The following BRPF1 variants were observed in gnomAD, a reference collection of about 807,000 sequenced individuals.
BRPF1 encodes bromodomain and PHD finger containing 1, also known as peregrin.
In BRPF1, 15 loss-of-function variants were observed where a neutral mutation model predicts 115.0. That is an observed-to-expected ratio of 0.13 (90% confidence interval 0.09 to 0.20). The LOEUF (loss-of-function observed/expected upper bound fraction) is 0.20, where lower values mean the gene tolerates loss of function less well. Ranked by LOEUF, BRPF1 falls within the 10% of genes least tolerant of loss-of-function variation. The pLI is 1.00. For synonymous variants in BRPF1, 647 were observed against 619.8 expected, an observed-to-expected ratio of 1.04 and a Z score of -0.65; for missense variants, 1,118 against 1,638.3, an observed-to-expected ratio of 0.68 and a Z score of 5.48.
At chr3:9,746,530 A>G in intron 13 of BRPF1, 76 bp downstream of exon 13, 1 of 1,418,236 alleles carries the variant, frequency 7.1e-7, no homozygotes, top group Non-Finnish European at 9.3e-7. Context: ...ACTGCCAGGA[A>G]ACTCCAGCAA....
chr3:9,734,566 A>C lies in BRPF1; in HGVS notation c.426A>C (p.Pro142=). ...NGSNKENTET[P]AATPKSGKHK... ...GCAACAAGGAGAACACTGAGACACC[A>C]GCTGCTACTCCCAAGTCAGGCAAAC... Residue 142 remains proline (P), a synonymous_variant, in exon 2 of 14, where the codon CCA becomes CCC. Transcript: ENST00000383829. The surrounding 1 kb of genome is among the most constrained non-coding windows in gnomAD (Gnocchi z 5.7). The C allele has an allele frequency of 1.2e-6, 2 of 1,614,178 alleles. No homozygotes were observed. Among genetic ancestry groups the C allele is most frequent in the South Asian group, 2.2e-5 (2 of 91,086 alleles).
intron 2 of BRPF1, among the ~76,000 whole-genome samples, chr3:9,736,061 G>A (rs1222077808): frequency 8.0e-6 from 1 of 125,014 alleles, no homozygotes; most frequent in African/African-American, 3.0e-5. Flanking sequence ...ACCCAGGCTG[G>A]AGTGCAGTGG....
At chr3:9,741,595 C>T (rs1444901329) in intron 5 of BRPF1, among the ~76,000 whole-genome samples, 156 bp downstream of exon 5, 1 of 149,292 alleles carries the variant, frequency 6.7e-6, no homozygotes, top group African/African-American at 2.5e-5. Flanking sequence ...CAAGATCGTG[C>T]CACTGTACTC....
chr3:9,742,210 C>G, intron 6 of BRPF1, 39 bp downstream of exon 6: 1 of 1,608,324 alleles, frequency 6.2e-7, no homozygotes, highest in Non-Finnish European at 8.5e-7. Flanking sequence ...TCTCTCTGTT[C>G]CTCTCCCAGT....
rs2077066954 is a variant in BRPF1 at position 9,743,523 on chromosome 3, AG to A, written c.2312-51del. The A allele has an allele frequency of 6.4e-7, 1 of 1,552,006 alleles. No homozygotes were observed. Among genetic ancestry groups the A allele is most frequent in the Non-Finnish European group, 8.7e-7 (1 of 1,144,698 alleles). Reference sequence around the variant, plus strand: ...GTTTCTTGCTGCCTGCCCAGGTTCAAGGGGCCCTGAGGGCTGCCCTGAGTCT... The same window carrying A: ...GTTTCTTGCTGCCTGCCCAGGTTCAAGGGCCCTGAGGGCTGCCCTGAGTCT... On this transcript the variant is annotated intron_variant, in intron 7 of 13. Coordinates refer to ENST00000383829, the MANE Select transcript of BRPF1 (RefSeq NM_001003694.2). The surrounding 1 kb of genome is among the most constrained non-coding windows in gnomAD (Gnocchi z 6.1).
Position 9,734,012 on chromosome 3 carries a change from T to C in BRPF1, c.-10-119T>C. ...ATGGCATTTGGAGACACTGTAGAGG[T>C]AGGCTGGCCAGAATCTGGTGACTCC... On this transcript the variant is annotated intron_variant, in intron 1 of 13. Coordinates refer to ENST00000383829, the MANE Select transcript of BRPF1 (RefSeq NM_001003694.2). This position sits in a 1 kb window ranked among gnomAD's most constrained non-coding sequence, Gnocchi z 5.7. 1 of 1,476,538 alleles carries C rather than the reference T, an allele frequency of 6.8e-7. No homozygotes were observed. The highest frequency in any genetic ancestry group is 1.4e-5 in the South Asian group (1 of 71,512). The allele number at this position is 1,476,538 out of a possible 1,614,324, so 91.5% of individuals were successfully genotyped here.
intron 1 of BRPF1, among the ~76,000 whole-genome samples, chr3:9,733,539 C>T (rs1451861544): frequency 6.6e-6 from 1 of 152,214 alleles, no homozygotes; most frequent in African/African-American, 2.4e-5. Flanking sequence ...GCTGTGGAAA[C>T]AGCTCCCCAT....
At chr3:9,738,284 G>A (rs2076974522) in intron 2 of BRPF1, among the ~76,000 whole-genome samples, 1 of 152,202 alleles carries the variant, frequency 6.6e-6, no homozygotes, top group Admixed American at 6.5e-5. Flanking sequence ...CAAAGCTTAA[G>A]TTTTCTTATC....
At chr3:9,741,736 G>A (rs141858822) in intron 5 of BRPF1, among the ~76,000 whole-genome samples, 5 of 152,134 alleles carry the variant, frequency 3.3e-5, no homozygotes, top group East Asian at 1.9e-4. Flanking sequence ...CCTGGTGCTC[G>A]GTGTGCTTTT....
In BRPF1 at chr3:9,744,508, G is replaced by A; in HGVS notation, c.2920G>A (p.Asp974Asn). 1 of 1,511,558 alleles carries A rather than the reference G, an allele frequency of 6.6e-7. No individual in the cohort carries two copies. The highest frequency in any genetic ancestry group is 8.8e-7 in the Non-Finnish European group (1 of 1,131,106). The allele number at this position is 1,511,558 out of a possible 1,614,324, so 93.6% of individuals were successfully genotyped here. ...TAAGTCCACAGAAGACCCCCCAATG[G>A]GTGAGCCTTACCATCACCCAGCCCC... Reference protein sequence around the residue: ...SDKSTEDPPMDLPANGFSGGN... With the variant: ...SDKSTEDPPMNLPANGFSGGN... Residue 974 changes from aspartate (D) to asparagine (N), a missense_variant and splice_region_variant, in exon 9 of 14, where the codon GAC (aspartate) becomes AAC (asparagine). Physicochemically the swap from Asp to Asn is conservative, Grantham distance 23. This residue lies in a region of BRPF1 where 92 missense variants were observed against 102.2 expected (regional missense o/e 0.90). Coordinates refer to ENST00000383829, the MANE Select transcript of BRPF1 (RefSeq NM_001003694.2).
At chr3:9,740,977 AG>A in intron 4 of BRPF1, 36 bp downstream of exon 4, 1 of 1,588,050 alleles carries the variant, frequency 6.3e-7, no homozygotes, top group South Asian at 1.1e-5. Context: ...TCTGGGAACT[AG>A]CGCCAGGGGG....
intron 8 of BRPF1, 149 bp downstream of exon 8, chr3:9,744,050 C>A: frequency 1.5e-6 from 2 of 1,299,302 alleles, no homozygotes; most frequent in Middle Eastern, 2.1e-4. Flanking sequence ...GGCCTCTTAG[C>A]TGCCTCTCTG....
intron 6 of BRPF1, chr3:9,742,404 C>G: frequency 2.0e-6 from 2 of 985,430 alleles, no homozygotes; most frequent in Non-Finnish European, 2.4e-6. Context: ...GGGACTGAGT[C>G]TGCCAAATGA....
chr3:9,743,506 C>T lies in BRPF1; in HGVS notation c.2312-72C>T, dbSNP rs916101098. 6.0e-6 allele frequency: 9 copies of T among 1,506,482 alleles called. No homozygotes were observed. The highest frequency in any genetic ancestry group is 7.2e-6 in the Non-Finnish European group (8 of 1,112,600). The allele number at this position is 1,506,482 out of a possible 1,614,324, so 93.3% of individuals were successfully genotyped here. On this transcript the variant is annotated intron_variant, in intron 7 of 13. Transcript: ENST00000383829. This position sits in a 1 kb window ranked among gnomAD's most constrained non-coding sequence, Gnocchi z 6.1. ...CCAGGGGGGATGAGTGGGTTTCTTGCTGCCTGCCCAGGTTCAAGGGGCCCT... is the reference window on the plus strand; with the variant it reads ...CCAGGGGGGATGAGTGGGTTTCTTGTTGCCTGCCCAGGTTCAAGGGGCCCT...
Position 9,747,259 on chromosome 3 carries a change from C to A in BRPF1, c.3573C>A (p.Arg1191=), listed in dbSNP as rs2077144692. Residue 1191 remains arginine, a synonymous_variant, in exon 14 of 14, where the codon CGC becomes CGA. Coordinates refer to ENST00000383829, the MANE Select transcript of BRPF1 (RefSeq NM_001003694.2). The surrounding 1 kb of genome is among the most constrained non-coding windows in gnomAD (Gnocchi z 5.6). ...KMLEGRKSNI[R]KSVQIAYHRA... ...TGGAGGGCCGCAAGTCCAACATCCG[C>A]AAGTCAGTACAGATCGCCTACCACA... 6 of 1,614,088 alleles carry A rather than the reference C, an allele frequency of 3.7e-6. No homozygotes were observed. Among genetic ancestry groups the A allele is most frequent in the Non-Finnish European group, 5.1e-6 (6 of 1,180,060 alleles).
chr3:9,735,112 A>C (rs970108349), intron 2 of BRPF1, among the ~76,000 whole-genome samples: 1 of 144,966 alleles, frequency 6.9e-6, no homozygotes, highest in Non-Finnish European at 1.5e-5. Flanking sequence ...TTCCGTGCTT[A>C]AGTGATCCTC....
chr3:9,745,789 C>G lies in BRPF1; in HGVS notation c.3206-23C>G, dbSNP rs781473272. On this transcript the variant is annotated intron_variant, in intron 11 of 13. Transcript: ENST00000383829. The surrounding 1 kb of genome is among the most constrained non-coding windows in gnomAD (Gnocchi z 5.1). ...CCAGCCCCCCAGCTGCTGATCCACC[C>G]CCTCTCCCCCATTCCTGTGAAGTGG... is the stretch of plus-strand genomic sequence containing the variant. 23 of 1,611,958 alleles carry G rather than the reference C, an allele frequency of 1.4e-5. No individual in the cohort carries two copies. The African/African-American group carries it at 2.8e-4, about 20-fold the overall frequency.
chr3:9,740,316 A>T (rs2077007973), intron 3 of BRPF1, among the ~76,000 whole-genome samples: 1 of 152,172 alleles, frequency 6.6e-6, no homozygotes, highest in Non-Finnish European at 1.5e-5. Context: ...GGGGAAGGGG[A>T]AGCTCAAGAA....
rs949916724 is a variant in BRPF1 at position 9,747,798 on chromosome 3, A to G, written c.*449A>G. 2.6e-5 allele frequency: 4 copies of G among 154,694 alleles called. No homozygotes were observed. Among genetic ancestry groups the G allele is most frequent in the African/African-American group, 9.7e-5 (4 of 41,248 alleles). The allele number at this position is 154,694 out of a possible 1,614,324, so 9.6% of individuals were successfully genotyped here. ...GACTCCCTCCCCTGCTGTTGTAAAT[A>G]CTGTAATTATCGGAGAATTTAAATT... On this transcript the variant is annotated 3_prime_UTR_variant, in exon 14 of 14. Coordinates refer to ENST00000383829, the MANE Select transcript of BRPF1 (RefSeq NM_001003694.2). The surrounding 1 kb of genome is among the most constrained non-coding windows in gnomAD (Gnocchi z 5.6).
Sources: gnomAD v4.1 joint callset for allele counts (sites outside exome capture counted in the v4.1 genomes callset) on GRCh38, gnomAD v4.1.1 for gene constraint, gnomAD v4.1.1 regional missense constraint, Gnocchi (gnomAD v3.1) non-coding constraint, MANE v1.5 for transcripts, NCBI Gene and HGNC (gene_info 2026-07-23, HGNC 2026-07-21) for gene names.